The following EP400 variants were observed in gnomAD, a reference collection of about 807,000 sequenced individuals.
The protein encoded by EP400 is E1A-binding protein p400.
EP400 carries 105 observed loss-of-function variants against 354.1 expected under a neutral mutation model. The ratio of observed to expected loss-of-function variants is 0.30; its 90% CI spans 0.25 to 0.35. The LOEUF (loss-of-function observed/expected upper bound fraction) is 0.35, where lower values mean the gene tolerates loss of function less well. Among genes scored for constraint, EP400 ranks in the 10% least tolerant of loss-of-function variants. EP400 has a pLI of 1.00. For missense variants in EP400, 3,280 were observed against 4,121.0 expected (o/e 0.80, Z 5.59); for synonymous variants, 1,646 against 1,716.9 (o/e 0.96, Z 1.02).
At chr12:131,991,361 A>G (rs773138226) in intron 9 of EP400, 46 bp from the exon 10 acceptor site, 7 of 1,606,830 alleles carry the variant, frequency 4.4e-6, no homozygotes, top group Non-Finnish European at 4.3e-6. Context: ...CGCCCTCGCC[A>G]AGCATGGGGG....
intron 51 of EP400, among the ~76,000 whole-genome samples, chr12:132,074,200 C>T (rs1292049936): frequency 1.3e-5 from 2 of 152,118 alleles, no homozygotes; most frequent in South Asian, 4.1e-4. Flanking sequence ...GCTGGGATTA[C>T]AGGCATGAGC....
intron 12 of EP400, among the ~76,000 whole-genome samples, chr12:131,997,631 T>C (rs1052758217): frequency 4.6e-5 from 7 of 152,122 alleles, no homozygotes; most frequent in Non-Finnish European, 8.8e-5. Flanking sequence ...AAGAAAATGT[T>C]GTTAAAAAAT....
At chr12:132,035,057 A>G (rs1393874664) in intron 30 of EP400, among the ~76,000 whole-genome samples, 1 of 152,126 alleles carries the variant, frequency 6.6e-6, no homozygotes, top group Non-Finnish European at 1.5e-5. Context: ...GAAGATACAT[A>G]AAGACCCCCC....
chr12:132,062,548 ACAGCAGCAGCAG>A lies in EP400; in HGVS notation c.8214_8225del (p.Gln2745_Gln2748del), dbSNP rs528214697. ...GGCAGCAGCAGCAGCAGCAGCAACA[ACAGCAGCAGCAG>A]CAGCAGCAGCAGCAGCAGCAGCAGC... On this transcript the variant is annotated inframe_deletion, in exon 47 of 53. Transcript: ENST00000389561. The A allele has an allele frequency of 2.3e-4, 355 of 1,564,250 alleles. No homozygotes were observed. Among genetic ancestry groups the A allele is most frequent in the South Asian group, 6.8e-4 (60 of 88,562 alleles).
At chr12:132,045,940 C>T in intron 39 of EP400, 40 bp downstream of exon 39, 2 of 1,606,096 alleles carry the variant, frequency 1.2e-6, no homozygotes, top group Non-Finnish European at 1.7e-6. Context: ...AGAGCACAGG[C>T]AGGTGTGGTG....
intron 45 of EP400, among the ~76,000 whole-genome samples, chr12:132,057,556 C>T (rs994241457): frequency 6.6e-6 from 1 of 152,164 alleles, no homozygotes; most frequent in African/African-American, 2.4e-5. Context: ...ATAATGTGTC[C>T]GTCAGAATTC....
chr12:131,987,982 A>AATTT, intron 7 of EP400, 92 bp downstream of exon 7: 10 of 628,568 alleles, frequency 1.6e-5, no homozygotes, highest in Admixed American at 5.2e-5. Context: ...CTCCAGACCC[A>AATTT]CTTTTTTTTT....
Position 132,064,829 on chromosome 12 carries a change from A to G in EP400, c.8496A>G (p.Pro2832=). 2 of 1,612,466 alleles carry G rather than the reference A, an allele frequency of 1.2e-6. No homozygotes were observed. The highest frequency in any genetic ancestry group is 2.2e-5 in the South Asian group (2 of 91,038). ...QSPQLTTVTA[P]RPGALLTGTT... ...CCCAGCTCACGACGGTCACGGCCCC[A>G]AGGCCTGGTGCCCTGCTGACGGGCA... The change falls in exon 48 of 53, where the codon CCA becomes CCG. Residue 2832 remains proline (P), a synonymous_variant. Coordinates refer to ENST00000389561, the MANE Select transcript of EP400 (RefSeq NM_015409.5).
At chr12:132,048,045 C>G (rs1324694385) in intron 39 of EP400, among the ~76,000 whole-genome samples, 2 of 152,236 alleles carry the variant, frequency 1.3e-5, no homozygotes, top group Non-Finnish European at 1.5e-5. Flanking sequence ...AAGGTTATCT[C>G]TCTTGTTCCC....
chr12:132,022,402 C>T (rs893396848), intron 23 of EP400, among the ~76,000 whole-genome samples: 7 of 152,216 alleles, frequency 4.6e-5, no homozygotes, highest in East Asian at 1.9e-4. Context: ...TCCTTGTTCA[C>T]GGTTATTCTG....
intron 23 of EP400, among the ~76,000 whole-genome samples, chr12:132,023,239 TC>T (rs1894180856): frequency 6.6e-6 from 1 of 151,214 alleles, no homozygotes; most frequent in African/African-American, 2.4e-5. Context: ...TTCAAGCAAT[TC>T]TTCTGCCTCA....
intron 47 of EP400, among the ~76,000 whole-genome samples, chr12:132,063,353 A>G (rs1895770527): frequency 6.6e-6 from 1 of 152,166 alleles, no homozygotes; most frequent in African/African-American, 2.4e-5. Context: ...TCTCTACTAG[A>G]AATACAAAAA....
chr12:131,980,155 A>G (rs1892631489), intron 3 of EP400, among the ~76,000 whole-genome samples: 1 of 152,196 alleles, frequency 6.6e-6, no homozygotes, highest in Admixed American at 6.5e-5. Context: ...AAAGACTTCA[A>G]CAGTTCAGTA....
intron 41 of EP400, among the ~76,000 whole-genome samples, chr12:132,051,521 C>T (rs1895287959): frequency 6.6e-6 from 1 of 152,190 alleles, no homozygotes. Context: ...GGCCACTGGA[C>T]AGGGGGCCCT....
Position 132,025,686 on chromosome 12 carries a change from C to T in EP400, c.4896C>T (p.Tyr1632=). ...TCGTGTCCGCCCCCGGGCAGCCCTA[C>T]CTTCGAGCCCCTGGCCCTGTGGTGA... ...LQIVSAPGQP[Y]LRAPGPVVMQ... Residue 1632 remains tyrosine (Y), a synonymous_variant, in exon 25 of 53, where the codon TAC becomes TAT. Transcript: ENST00000389561. This position sits in a 1 kb window ranked among gnomAD's most constrained non-coding sequence, Gnocchi z 4.1. 1 of 1,612,810 alleles carries T rather than the reference C, an allele frequency of 6.2e-7. No homozygotes were observed. Among genetic ancestry groups the T allele is most frequent in the South Asian group, 1.1e-5 (1 of 90,982 alleles).
At chr12:132,005,308 A>G in intron 13 of EP400, 124 bp downstream of exon 13, 3 of 625,796 alleles carry the variant, frequency 4.8e-6, no homozygotes, top group Admixed American at 3.6e-5. Flanking sequence ...GAAATATTTA[A>G]TAAGTATCTT....
intron 19 of EP400, among the ~76,000 whole-genome samples, chr12:132,014,224 C>G (rs1893851590): frequency 6.6e-6 from 1 of 152,244 alleles, no homozygotes; most frequent in Non-Finnish European, 1.5e-5. Flanking sequence ...AGTTTCCATT[C>G]ATCCGGGAGG....
intron 14 of EP400, 79 bp downstream of exon 14, chr12:132,006,381 C>A (rs573960411): frequency 3.0e-5 from 45 of 1,487,674 alleles, no homozygotes; most frequent in Non-Finnish European, 4.1e-5. Context: ...AAAGCTTTTC[C>A]TCTTCCCAGT....
chr12:131,987,128 C>T (rs189014256), intron 6 of EP400, among the ~76,000 whole-genome samples: 1 of 152,268 alleles, frequency 6.6e-6, no homozygotes, highest in Non-Finnish European at 1.5e-5. Context: ...GCTGTGAGGT[C>T]CCTGCAGCCA....
Sources: gnomAD v4.1 joint callset for allele counts (sites outside exome capture counted in the v4.1 genomes callset) on GRCh38, gnomAD v4.1.1 for gene constraint, Gnocchi (gnomAD v3.1) non-coding constraint, MANE v1.5 for transcripts, NCBI Gene and HGNC (gene_info 2026-07-23, HGNC 2026-07-21) for gene names.